OXR1: variants seen among roughly 807,000 people sequenced by gnomAD.
The protein encoded by OXR1 is oxidation resistance protein 1.
OXR1 carries 41 observed loss-of-function variants against 104.6 expected under a neutral mutation model. That is an observed-to-expected ratio of 0.39 (90% CI 0.31 to 0.51). The LOEUF (loss-of-function observed/expected upper bound fraction) is 0.51, where lower values mean the gene tolerates loss of function less well. OXR1 is among the 20% of genes least tolerant of loss of function. The probability of loss-of-function intolerance (pLI) is 0.77; values close to 1 mark genes in which losing one functional copy is unlikely to be tolerated. For missense variants in OXR1, 955 were observed against 1,031.9 expected (o/e 0.93, Z 1.02); for synonymous variants, 348 against 348.4 (o/e 1.00, Z 0.01).
At chr8:106,745,937 G>A in intron 16 of OXR1, 75 bp downstream of exon 16, 1 of 809,710 alleles carries the variant, frequency 1.2e-6, no homozygotes, top group Admixed American at 2.2e-5. Flanking sequence ...TATAAATTCA[G>A]TTGTCTTTAG....
chr8:106,637,048 A>G (rs1823198731), intron 3 of OXR1, among the ~76,000 whole-genome samples: 1 of 152,324 alleles, frequency 6.6e-6, no homozygotes, highest in Non-Finnish European at 1.5e-5. Context: ...CTGGTAGTCA[A>G]ATCGTAATCA....
At chr8:106,577,300 T>G (rs1817910382) in intron 3 of OXR1, among the ~76,000 whole-genome samples, 1 of 147,464 alleles carries the variant, frequency 6.8e-6, no homozygotes. Context: ...AACCTCCACC[T>G]CCCAGGTTCA....
intron 1 of OXR1, among the ~76,000 whole-genome samples, chr8:106,331,510 A>G (rs1054617849): frequency 2.0e-5 from 3 of 152,158 alleles, no homozygotes; most frequent in African/African-American, 7.2e-5. Context: ...TATTAGCTTT[A>G]TAATAAAATA....
intron 2 of OXR1, among the ~76,000 whole-genome samples, chr8:106,390,668 C>T (rs917175200): frequency 6.6e-6 from 1 of 152,032 alleles, no homozygotes; most frequent in African/African-American, 2.4e-5. Flanking sequence ...AAAATCATAA[C>T]AGTATGAGCA....
intron 3 of OXR1, among the ~76,000 whole-genome samples, chr8:106,596,845 G>A (rs1425847408): frequency 6.6e-6 from 1 of 152,044 alleles, no homozygotes; most frequent in Non-Finnish European, 1.5e-5. Context: ...ATGAGGTCAG[G>A]AAATCAAGAC....
intron 3 of OXR1, among the ~76,000 whole-genome samples, chr8:106,554,022 TTCA>T (rs1216956919): frequency 6.6e-6 from 1 of 152,204 alleles, no homozygotes; most frequent in African/African-American, 2.4e-5. Context: ...TTTTCTCTTT[TTCA>T]TCATCTCTGT....
At chr8:106,562,541 C>G (rs1338572154) in intron 3 of OXR1, among the ~76,000 whole-genome samples, 2 of 152,128 alleles carry the variant, frequency 1.3e-5, no homozygotes, top group East Asian at 3.9e-4. Flanking sequence ...AGTTGGAAAA[C>G]AGACTTCAGG....
chr8:106,530,642 ATAGT>A (rs1814026471), intron 3 of OXR1, among the ~76,000 whole-genome samples: 1 of 152,204 alleles, frequency 6.6e-6, no homozygotes, highest in South Asian at 2.1e-4. Context: ...TACTTTTACT[ATAGT>A]TAAAAACTGT....
At chr8:106,612,276 A>C (rs1820874015) in intron 3 of OXR1, among the ~76,000 whole-genome samples, 1 of 152,182 alleles carries the variant, frequency 6.6e-6, no homozygotes, top group African/African-American at 2.4e-5. Context: ...AATAATATGG[A>C]AATGAAATAG....
intron 2 of OXR1, among the ~76,000 whole-genome samples, chr8:106,388,821 C>T (rs1358563187): frequency 1.3e-5 from 2 of 152,182 alleles, no homozygotes; most frequent in Non-Finnish European, 2.9e-5. Context: ...GCTTTGATGG[C>T]TTAGGCCAAT....
intron 11 of OXR1, among the ~76,000 whole-genome samples, chr8:106,732,322 A>G (rs1326061667): frequency 6.6e-6 from 1 of 152,068 alleles, no homozygotes; most frequent in Non-Finnish European, 1.5e-5. Context: ...TAACAAAGAC[A>G]GTTTTATCTC....
intron 1 of OXR1, among the ~76,000 whole-genome samples, chr8:106,289,793 C>T (rs1812672843): frequency 1.3e-5 from 2 of 152,142 alleles, no homozygotes; most frequent in African/African-American, 4.8e-5. Context: ...CTCATAATCC[C>T]CATGTGTCAT....
intron 2 of OXR1, among the ~76,000 whole-genome samples, chr8:106,379,537 CTTTTTTTTTTT>C (rs60855438): frequency 9.2e-6 from 1 of 108,400 alleles, no homozygotes; most frequent in Non-Finnish European, 1.8e-5. Context: ...TTCTTTCTTT[CTTTTTTTTTTT>C]TTTTTTTTGA....
At chr8:106,271,246 C>G (rs910275269) in intron 1 of OXR1, among the ~76,000 whole-genome samples, 4 of 152,090 alleles carry the variant, frequency 2.6e-5, no homozygotes, top group Non-Finnish European at 2.9e-5. Context: ...GCTCCTCCTC[C>G]GTCTACTACC....
intron 2 of OXR1, among the ~76,000 whole-genome samples, chr8:106,485,802 T>G (rs1000999296): frequency 6.6e-5 from 10 of 152,034 alleles, no homozygotes; most frequent in African/African-American, 2.4e-4. Context: ...TCCTGCTATT[T>G]GGGATAACAT....
At chr8:106,733,267 A>C (rs923304064) in intron 11 of OXR1, among the ~76,000 whole-genome samples, 2 of 152,238 alleles carry the variant, frequency 1.3e-5, no homozygotes, top group East Asian at 3.9e-4. Context: ...GTGAGTGTAC[A>C]GTTTATAGTA....
intron 2 of OXR1, among the ~76,000 whole-genome samples, chr8:106,514,125 G>A (rs1036255884): frequency 1.9e-4 from 29 of 152,044 alleles, no homozygotes; most frequent in East Asian, 1.4e-3. Context: ...AAAGAACCTC[G>A]CAGTGCCTAT....
At chr8:106,701,419 T>C (rs181551705) in intron 7 of OXR1, among the ~76,000 whole-genome samples, 1 of 152,328 alleles carries the variant, frequency 6.6e-6, no homozygotes, top group Admixed American at 6.5e-5. Flanking sequence ...CATAACTTAA[T>C]TTTTATATTC....
chr8:106,399,514 ATGTGAATAGTTAACAAATATCAT>A (rs1243900761), intron 2 of OXR1, among the ~76,000 whole-genome samples: 1 of 152,186 alleles, frequency 6.6e-6, no homozygotes, highest in Non-Finnish European at 1.5e-5. Flanking sequence ...ACAGTGATGG[ATGTGAATAGTTAACAAATATCAT>A]TTGGAATAGA....
Sources: gnomAD v4.1 joint callset for allele counts (sites outside exome capture counted in the v4.1 genomes callset) on GRCh38, gnomAD v4.1.1 for gene constraint, MANE v1.5 for transcripts, NCBI Gene and HGNC (gene_info 2026-07-23, HGNC 2026-07-21) for gene names.